The following NALCN variants were observed in gnomAD, a reference collection of about 807,000 sequenced individuals.
NALCN encodes the protein sodium leak channel NALCN.
In NALCN, 111 loss-of-function variants were observed where a neutral mutation model predicts 225.3. The observed-to-expected ratio is 0.49, with a 90% CI of 0.42 to 0.58. NALCN has a LOEUF of 0.58. NALCN is among the 20% of genes least tolerant of loss of function. The pLI is 0.00. For synonymous variants in NALCN, 764 were observed against 769.0 expected (o/e 0.99, Z 0.11); for missense variants, 1,378 against 2,202.4 (o/e 0.63, Z 7.49).
chr13:101,380,892 A>ACACC (rs1555344222), intron 3 of NALCN, among the ~76,000 whole-genome samples: 1 of 149,750 alleles, frequency 6.7e-6, no homozygotes, highest in Non-Finnish European at 1.5e-5. Flanking sequence ...ACACACACAC[A>ACACC]CCACCATCAC....
At chr13:101,218,841 C>A (rs1257738929) in intron 13 of NALCN, among the ~76,000 whole-genome samples, 1 of 152,130 alleles carries the variant, frequency 6.6e-6, no homozygotes, top group Non-Finnish European at 1.5e-5. Flanking sequence ...TCCTATACAA[C>A]CTGCAGAACC....
intron 13 of NALCN, among the ~76,000 whole-genome samples, chr13:101,194,628 G>C (rs2039817041): frequency 6.6e-6 from 1 of 152,216 alleles, no homozygotes; most frequent in Admixed American, 6.5e-5. Flanking sequence ...TGGGGATTGA[G>C]TGGAGTAAGA....
rs766629973 is a variant in NALCN at position 101,185,194 on chromosome 13, G to A, written c.1764+6723C>T. 1.6e-4 allele frequency among the ~76,000 whole-genome samples: 24 copies of A among 152,260 alleles called. 1 individual carries two copies. The highest frequency in any genetic ancestry group is 3.9e-4 in the East Asian group (2 of 5,174). On this transcript the variant is annotated intron_variant, in intron 14 of 43. Coordinates refer to ENST00000251127, the MANE Select transcript of NALCN (RefSeq NM_052867.4). ...ATCAGCGCAGTGTAAAATGGGATAC[G>A]TTCAACACAGATGCACTTTTAAATG...
intron 31 of NALCN, 134 bp downstream of exon 31, chr13:101,083,577 G>C: frequency 1.3e-6 from 1 of 785,602 alleles, no homozygotes; most frequent in Non-Finnish European, 2.0e-6. Context: ...CTGTGGTTTG[G>C]AGCCTGTTTC....
chr13:101,159,655 G>A (rs1183657338), intron 15 of NALCN, among the ~76,000 whole-genome samples: 7 of 152,102 alleles, frequency 4.6e-5, no homozygotes, highest in East Asian at 1.9e-4. Context: ...ACTCTTTCCC[G>A]GATGAGAATT....
chr13:101,134,969 T>C (rs919565531), intron 17 of NALCN, among the ~76,000 whole-genome samples: 3 of 151,882 alleles, frequency 2.0e-5, no homozygotes, highest in East Asian at 1.9e-4. Flanking sequence ...CCGAGGCGGG[T>C]GGATCACGAG....
chr13:101,397,109 T>TATACAC lies in NALCN; in HGVS notation c.109-1745_109-1744insGTGTAT, dbSNP rs1169730118. Among the ~76,000 whole-genome samples, 45 of 80,920 alleles carry TATACAC rather than the reference T, an allele frequency of 5.6e-4. 1 individual carries two copies. Among genetic ancestry groups the TATACAC allele is most frequent in the African/African-American group, 1.2e-3 (26 of 22,522 alleles). 53.1% of individuals were successfully genotyped at this position (80,920 alleles called of 152,430 possible). A position where few individuals can be genotyped will look rare whatever the true frequency, so the allele number is the denominator to read the frequency against. On this transcript the variant is annotated intron_variant, in intron 2 of 43. Coordinates refer to ENST00000251127, the MANE Select transcript of NALCN (RefSeq NM_052867.4). ...ATATATATATATATATATATATATA[T>TATACAC]ACATACACATACATATATATAATGT...
intron 6 of NALCN, among the ~76,000 whole-genome samples, chr13:101,349,048 G>T (rs2045828929): frequency 6.6e-6 from 1 of 152,158 alleles, no homozygotes; most frequent in South Asian, 2.1e-4. Flanking sequence ...GGAGTTGGGG[G>T]TGGGGTGGAT....
At chr13:101,238,255 T>C (rs9518355) in intron 11 of NALCN, among the ~76,000 whole-genome samples, 57,963 of 151,770 alleles carry the variant, frequency 0.38, 12,158 homozygotes, top group East Asian at 0.59. Flanking sequence ...TTTTTTTGTA[T>C]GTTGTATTTT....
intron 20 of NALCN, among the ~76,000 whole-genome samples, chr13:101,108,727 C>T (rs2035276288): frequency 6.6e-6 from 1 of 152,104 alleles, no homozygotes; most frequent in South Asian, 2.1e-4. Context: ...CCCTTCACAG[C>T]CCTTTAGATG....
intron 17 of NALCN, among the ~76,000 whole-genome samples, chr13:101,139,826 G>C (rs2036980434): frequency 6.6e-6 from 1 of 152,114 alleles, no homozygotes; most frequent in South Asian, 2.1e-4. Flanking sequence ...AATGAAAAAG[G>C]CTTGCCGTAT....
intron 1 of NALCN, among the ~76,000 whole-genome samples, chr13:101,399,578 C>A (rs2047408474): frequency 6.6e-6 from 1 of 152,160 alleles, no homozygotes; most frequent in African/African-American, 2.4e-5. Context: ...CCCATGGTTT[C>A]CCCAGTGTTA....
chr13:101,358,819 A>G (rs1019480742), intron 6 of NALCN, among the ~76,000 whole-genome samples: 1 of 152,250 alleles, frequency 6.6e-6, no homozygotes, highest in African/African-American at 2.4e-5. Flanking sequence ...GATAGACTGG[A>G]CTAAGAAAAT....
At chr13:101,356,330 G>A (rs2046059597) in intron 6 of NALCN, among the ~76,000 whole-genome samples, 1 of 151,854 alleles carries the variant, frequency 6.6e-6, no homozygotes, top group Non-Finnish European at 1.5e-5. Context: ...AAAGAGAGAA[G>A]AATCAAATAG....
intron 15 of NALCN, among the ~76,000 whole-genome samples, chr13:101,160,196 T>C (rs568647343): frequency 1.4e-3 from 218 of 152,304 alleles, no homozygotes; most frequent in Non-Finnish European, 2.5e-3. Flanking sequence ...CCTTGTGATC[T>C]GCCCGCCTTG....
At chr13:101,410,688 A>G (rs547792029) in intron 1 of NALCN, among the ~76,000 whole-genome samples, 2 of 152,318 alleles carry the variant, frequency 1.3e-5, no homozygotes, top group East Asian at 3.9e-4. Context: ...TCTGGAAGTA[A>G]TCTCATGTGA....
At chr13:101,075,838 G>C (rs1217879293) in intron 35 of NALCN, 35 bp downstream of exon 35, 2 of 1,551,834 alleles carry the variant, frequency 1.3e-6, no homozygotes, top group African/African-American at 2.7e-5. Context: ...ACACATATAT[G>C]ACCTTTAAGA....
Position 101,056,246 on chromosome 13 carries a change from C to CTTTTT in NALCN, c.5024-763_5024-759dup, listed in dbSNP as rs34583741. Among the ~76,000 whole-genome samples, 64 of 45,850 alleles carry CTTTTT rather than the reference C, an allele frequency of 1.4e-3. 8 individuals are homozygous for CTTTTT. The highest frequency in any genetic ancestry group is 4.6e-3 in the African/African-American group (50 of 10,906). 30.1% of individuals were successfully genotyped at this position (45,850 alleles called of 152,430 possible). On this transcript the variant is annotated intron_variant, in intron 43 of 43. Coordinates refer to ENST00000251127, the MANE Select transcript of NALCN (RefSeq NM_052867.4). Reference sequence around the variant, plus strand: ...ACCTAGGCATGGACCAGTGGAAGTACTTTTTTTTTTTTTTTTTTTTTTTTT... The same window carrying CTTTTT: ...ACCTAGGCATGGACCAGTGGAAGTACTTTTTTTTTTTTTTTTTTTTTTTTTTTTTT...
In NALCN at chr13:101,083,377, A is replaced by C. The variant is rs557063587; in HGVS notation, c.3584-179T>G. Among the ~76,000 whole-genome samples, 21 of 152,338 alleles carry C rather than the reference A, an allele frequency of 1.4e-4. 2 individuals carry two copies. In the South Asian group the frequency reaches 4.3e-3, roughly 32 times the overall value. On this transcript the variant is annotated intron_variant, in intron 31 of 43. Transcript: ENST00000251127. ...CTCTGAATATTCAAAACGACAGTGC[A>C]TGATGCCGTCTATATTGGAAGGAGA...
Sources: gnomAD v4.1 joint callset for allele counts (sites outside exome capture counted in the v4.1 genomes callset) on GRCh38, gnomAD v4.1.1 for gene constraint, MANE v1.5 for transcripts, NCBI Gene and HGNC (gene_info 2026-07-23, HGNC 2026-07-21) for gene names.